Variants in MTHFS observed in about 807,000 individuals in gnomAD.
MTHFS encodes the protein methenyltetrahydrofolate synthetase.
Under a neutral mutation model 12.7 loss-of-function variants are expected in MTHFS, and 7 were observed. That is an observed-to-expected ratio of 0.55 (90% CI 0.31 to 1.03). The LOEUF (loss-of-function observed/expected upper bound fraction) is 1.03, where lower values mean the gene tolerates loss of function less well. Ranked by LOEUF, MTHFS falls within the 50% of genes least tolerant of loss-of-function variation. MTHFS has a pLI of 0.05. For synonymous variants in MTHFS, 100 were observed against 97.1 expected (o/e 1.03, Z -0.18); for missense variants, 252 against 258.1 (o/e 0.98, Z 0.16).
intron 2 of MTHFS, among the ~76,000 whole-genome samples, chr15:79,855,877 A>G (rs2033791955): frequency 6.6e-6 from 1 of 152,168 alleles, no homozygotes. Flanking sequence ...ATAATATTCT[A>G]TAGTATATAT....
chr15:79,857,575 C>G (rs973437315), intron 2 of MTHFS, among the ~76,000 whole-genome samples: 1 of 152,142 alleles, frequency 6.6e-6, no homozygotes, highest in African/African-American at 2.4e-5. Context: ...TACAGCAAGT[C>G]TATGATAAAG....
At chr15:79,882,882 G>A (rs373090726) in intron 2 of MTHFS, among the ~76,000 whole-genome samples, 3 of 152,194 alleles carry the variant, frequency 2.0e-5, no homozygotes, top group South Asian at 2.1e-4. Context: ...AGCTTAGTCC[G>A]GGACCGATGT....
At chr15:79,886,130 T>C (rs926132953) in intron 2 of MTHFS, among the ~76,000 whole-genome samples, 1 of 152,214 alleles carries the variant, frequency 6.6e-6, no homozygotes, top group African/African-American at 2.4e-5. Flanking sequence ...AACTTATAAT[T>C]GCAACTGAGG....
At chr15:79,854,745 T>C (rs2033771411) in intron 2 of MTHFS, among the ~76,000 whole-genome samples, 1 of 152,240 alleles carries the variant, frequency 6.6e-6, no homozygotes. Flanking sequence ...TTTTCTTAAG[T>C]ATGTTTTTTA....
chr15:79,887,053 G>T (rs777457419), intron 2 of MTHFS, among the ~76,000 whole-genome samples: 2 of 152,242 alleles, frequency 1.3e-5, no homozygotes, highest in Middle Eastern at 3.4e-3. Flanking sequence ...TGATCAACAT[G>T]GTGAAACCCC....
intron 1 of MTHFS, among the ~76,000 whole-genome samples, chr15:79,892,476 C>G: frequency 6.6e-6 from 1 of 152,156 alleles, no homozygotes; most frequent in South Asian, 2.1e-4. Flanking sequence ...TAGAAATATG[C>G]TCCAAATGGG....
intron 2 of MTHFS, among the ~76,000 whole-genome samples, chr15:79,875,416 T>C (rs1227734754): frequency 6.6e-6 from 1 of 152,162 alleles, no homozygotes; most frequent in East Asian, 1.9e-4. Context: ...CCAAGAATTC[T>C]ATCTCCAGCA....
intron 2 of MTHFS, among the ~76,000 whole-genome samples, chr15:79,860,833 C>T (rs999575523): frequency 6.6e-6 from 1 of 152,172 alleles, no homozygotes; most frequent in Non-Finnish European, 1.5e-5. Context: ...TTACAGTGTA[C>T]TTTCTTGAGA....
intron 2 of MTHFS, among the ~76,000 whole-genome samples, chr15:79,846,794 C>A (rs928778090): frequency 6.6e-6 from 1 of 152,236 alleles, no homozygotes; most frequent in Non-Finnish European, 1.5e-5. Context: ...ACTTTACTCC[C>A]TCGTGTCCTC....
At chr15:79,870,469 CA>C (rs1262025810) in intron 2 of MTHFS, among the ~76,000 whole-genome samples, 1 of 151,898 alleles carries the variant, frequency 6.6e-6, no homozygotes, top group African/African-American at 2.4e-5. Flanking sequence ...GAAACAAAAA[CA>C]AAAAACTGTG....
At position 79,889,156 on chromosome 15, in the gene MTHFS, T is replaced by C. The variant is rs772187163; in HGVS notation, c.316A>G (p.Lys106Glu). The change falls in exon 2 of 3, where the codon AAA becomes GAA. Residue 106 changes from lysine (K) to glutamate (E), a missense_variant. Physicochemically the swap from Lys to Glu is moderately conservative, Grantham distance 56 (BLOSUM62 1). Transcript: ENST00000258874. ...GGCTGAGGGATATTCCAGGATGTTT[T>C]GGGAAGTAAAGAAATTTCCTCTGGT... is the stretch of plus-strand genomic sequence containing the variant. ...ESPEEISLLP[K>E]TSWNIPQPGE... 17 of 1,614,072 alleles carry C rather than the reference T, an allele frequency of 1.1e-5. No homozygotes were observed. Among genetic ancestry groups the C allele is most frequent in the South Asian group, 1.1e-5 (1 of 91,082 alleles).
chr15:79,869,188 C>A (rs1450431818), intron 2 of MTHFS, among the ~76,000 whole-genome samples: 1 of 152,138 alleles, frequency 6.6e-6, no homozygotes, highest in East Asian at 1.9e-4. Flanking sequence ...AAAGAGAAAA[C>A]AACTCCACAA....
At chr15:79,889,453 A>C in intron 1 of MTHFS, 99 bp from the exon 2 acceptor site, 1 of 1,444,604 alleles carries the variant, frequency 6.9e-7, no homozygotes, top group Non-Finnish European at 9.1e-7. Flanking sequence ...CAATTTCTTT[A>C]AATATTAAAA....
intron 2 of MTHFS, among the ~76,000 whole-genome samples, chr15:79,882,362 C>T (rs1300795349): frequency 2.0e-5 from 3 of 152,162 alleles, no homozygotes; most frequent in African/African-American, 7.2e-5. Flanking sequence ...AAATAAATGT[C>T]TGTTATTTAA....
intron 2 of MTHFS, among the ~76,000 whole-genome samples, chr15:79,845,893 C>T (rs2033605632): frequency 6.6e-6 from 1 of 152,194 alleles, no homozygotes; most frequent in Non-Finnish European, 1.5e-5. Flanking sequence ...AGAGAGTCCA[C>T]TGTCAGGCAT....
At chr15:79,865,960 A>G (rs2034002601) in intron 2 of MTHFS, among the ~76,000 whole-genome samples, 1 of 152,204 alleles carries the variant, frequency 6.6e-6, no homozygotes, top group Non-Finnish European at 1.5e-5. Flanking sequence ...AACAGAGCCC[A>G]TCAGAACTAC....
intron 2 of MTHFS, among the ~76,000 whole-genome samples, chr15:79,855,350 T>C: frequency 6.6e-6 from 1 of 152,178 alleles, no homozygotes. Flanking sequence ...CATTTCTAAA[T>C]ATTATATTTA....
At chr15:79,897,144 G>GCGCGC (rs1567002354), upstream of MTHFS, 5 of 623,728 alleles carry the variant, frequency 8.0e-6, no homozygotes, top group East Asian at 3.5e-5. Context: ...CGGGCCCGCG[G>GCGCGC]CGCGCCGCGC....
At chr15:79,867,387 G>C (rs904329642) in intron 2 of MTHFS, among the ~76,000 whole-genome samples, 3 of 148,442 alleles carry the variant, frequency 2.0e-5, no homozygotes, top group South Asian at 2.1e-4. Flanking sequence ...AAAAAAAAAA[G>C]GGGGGGACAT....
Sources: gnomAD v4.1 joint callset for allele counts (sites outside exome capture counted in the v4.1 genomes callset) on GRCh38, gnomAD v4.1.1 for gene constraint, MANE v1.5 for transcripts, NCBI Gene and HGNC (gene_info 2026-07-23, HGNC 2026-07-21) for gene names.